Variants in BAZ2B observed in about 807,000 individuals in gnomAD.
The protein encoded by BAZ2B is bromodomain adjacent to zinc finger domain 2B, also known as bromodomain adjacent to zinc finger domain protein 2B.
A neutral mutation model predicts 246.0 loss-of-function variants in BAZ2B; 91 were observed. That is an observed-to-expected ratio of 0.37 (90% CI 0.31 to 0.44). BAZ2B has a LOEUF of 0.44. BAZ2B is among the 20% of genes least tolerant of loss of function. The pLI, the probability that BAZ2B is intolerant of heterozygous loss-of-function variation, is 1.00. For synonymous variants in BAZ2B, 855 were observed against 860.0 expected (o/e 0.99, Z 0.10); for missense variants, 2,332 against 2,533.7 (o/e 0.92, Z 1.71).
intron 24 of BAZ2B, 32 bp downstream of exon 24, chr2:159,383,574 C>T: frequency 6.5e-7 from 1 of 1,544,432 alleles, no homozygotes; most frequent in Non-Finnish European, 8.9e-7. Context: ...AAAAAGAAAA[C>T]AGTACATTAA....
intron 10 of BAZ2B, among the ~76,000 whole-genome samples, chr2:159,429,915 A>T (rs2070753163): frequency 6.6e-6 from 1 of 152,222 alleles, no homozygotes. Context: ...ATATTTTACT[A>T]TATACATCTA....
intron 27 of BAZ2B, among the ~76,000 whole-genome samples, chr2:159,360,569 C>CACTG (rs144001147): frequency 0.39 from 59,660 of 151,396 alleles, 12,331 homozygotes; most frequent in Non-Finnish European, 0.49. Flanking sequence ...ATCAAGCTAC[C>CACTG]ACTTTCTTCA....
At chr2:159,550,595 GA>G (rs2088041832) in intron 2 of BAZ2B, among the ~76,000 whole-genome samples, 1 of 152,176 alleles carries the variant, frequency 6.6e-6, no homozygotes, top group African/African-American at 2.4e-5. Flanking sequence ...AAAATTAGAA[GA>G]GGGGGAAAAC....
At chr2:159,650,151 C>T in the BAZ2B span, among the ~76,000 whole-genome samples, 1 of 149,646 alleles carries the variant, frequency 6.7e-6, no homozygotes, top group African/African-American at 2.4e-5. Flanking sequence ...ACAGAATACA[C>T]TTATAAGAAG....
chr2:159,343,656 C>A (rs1483006518), intron 31 of BAZ2B, among the ~76,000 whole-genome samples: 2 of 151,972 alleles, frequency 1.3e-5, no homozygotes, highest in Non-Finnish European at 2.9e-5. Context: ...TGCTGAACAT[C>A]ACCACTCATC....
intron 1 of BAZ2B, among the ~76,000 whole-genome samples, chr2:159,576,531 T>TA (rs71406179): frequency 1.9e-4 from 27 of 142,990 alleles, no homozygotes; most frequent in African/African-American, 5.7e-4. Context: ...ATCAAAGGTT[T>TA]AAAAAAAAAA....
chr2:159,615,262 G>T (rs1488712092), intron 1 of BAZ2B: 1 of 145,348 alleles, frequency 6.9e-6, no homozygotes, highest in East Asian at 2.2e-4. Flanking sequence ...TAAAGGGGAG[G>T]GAGCCGCGAA....
chr2:159,572,667 T>C (rs1173706027), intron 1 of BAZ2B, among the ~76,000 whole-genome samples: 1 of 152,238 alleles, frequency 6.6e-6, no homozygotes. Flanking sequence ...TTTGCTGTTC[T>C]TGCAATTCAT....
chr2:159,414,699 G>A (rs1559330130), intron 13 of BAZ2B, among the ~76,000 whole-genome samples: 1 of 151,560 alleles, frequency 6.6e-6, no homozygotes, highest in Admixed American at 6.6e-5. Flanking sequence ...TGCCTGTAGT[G>A]CTAGCTACTT....
chr2:159,538,636 G>A (rs1260931784), intron 2 of BAZ2B, among the ~76,000 whole-genome samples: 1 of 152,130 alleles, frequency 6.6e-6, no homozygotes, highest in Non-Finnish European at 1.5e-5. Flanking sequence ...TTTTGAATTG[G>A]GGAAAGATCT....
the BAZ2B span, among the ~76,000 whole-genome samples, chr2:159,700,529 T>C: frequency 6.6e-6 from 1 of 152,228 alleles, no homozygotes; most frequent in Non-Finnish European, 1.5e-5. Context: ...CACTGCAACC[T>C]CCGCCTCCCG....
At chr2:159,590,328 G>T (rs1057105111) in intron 1 of BAZ2B, among the ~76,000 whole-genome samples, 1 of 144,680 alleles carries the variant, frequency 6.9e-6, no homozygotes, top group Non-Finnish European at 1.5e-5. Context: ...AGTGGCTCAC[G>T]CCTGTAATCC....
chr2:159,683,985 T>C, the BAZ2B span, among the ~76,000 whole-genome samples: 1 of 152,216 alleles, frequency 6.6e-6, no homozygotes, highest in Non-Finnish European at 1.5e-5. Flanking sequence ...GCAACCCCTC[T>C]GTCCTCCAGC....
intron 2 of BAZ2B, among the ~76,000 whole-genome samples, chr2:159,549,816 TTTTC>T (rs34360944): frequency 7.1e-6 from 1 of 141,226 alleles, no homozygotes; most frequent in African/African-American, 2.7e-5. Flanking sequence ...GCATAAACTT[TTTTC>T]TTTCTTTTTT....
the BAZ2B span, among the ~76,000 whole-genome samples, chr2:159,679,420 G>A: frequency 6.6e-6 from 1 of 151,946 alleles, no homozygotes; most frequent in African/African-American, 2.4e-5. Flanking sequence ...GAATGGTATA[G>A]TATAAAGTAA....
intron 2 of BAZ2B, among the ~76,000 whole-genome samples, chr2:159,485,810 C>A (rs925382037): frequency 7.2e-5 from 11 of 152,026 alleles, no homozygotes; most frequent in Non-Finnish European, 1.3e-4. Flanking sequence ...AGTCTTGATT[C>A]TATCTCCAAA....
intron 9 of BAZ2B, among the ~76,000 whole-genome samples, chr2:159,431,825 T>C (rs1052509537): frequency 3.4e-5 from 5 of 145,810 alleles, no homozygotes; most frequent in African/African-American, 1.2e-4. Context: ...ACAGGAGTGA[T>C]ACTTAGACTG....
chr2:159,333,397 T>C (rs2065102965), intron 33 of BAZ2B, among the ~76,000 whole-genome samples: 1 of 152,160 alleles, frequency 6.6e-6, no homozygotes, highest in Non-Finnish European at 1.5e-5. Flanking sequence ...TGTTTTCTAC[T>C]GAAAATTTTC....
intron 1 of BAZ2B, among the ~76,000 whole-genome samples, chr2:159,613,863 T>C (rs1234012107): frequency 6.6e-6 from 1 of 152,202 alleles, no homozygotes; most frequent in Non-Finnish European, 1.5e-5. Flanking sequence ...GCATATTACA[T>C]GAAGCAAATT....
Sources: gnomAD v4.1 joint callset for allele counts (sites outside exome capture counted in the v4.1 genomes callset) on GRCh38, gnomAD v4.1.1 for gene constraint, MANE v1.5 for transcripts, NCBI Gene and HGNC (gene_info 2026-07-23, HGNC 2026-07-21) for gene names.